AFG2A: variants seen among roughly 807,000 people sequenced by gnomAD.
AFG2A encodes AAA ATPase AFG2A.
chr4:123,059,112 C>A, the AFG2A span, among the ~76,000 whole-genome samples: 2 of 137,348 alleles, frequency 1.5e-5, no homozygotes, highest in African/African-American at 5.0e-5. Flanking sequence ...GCAGGGCAGT[C>A]AAATCTTTTT....
the AFG2A span, among the ~76,000 whole-genome samples, chr4:123,251,502 G>A: frequency 1.3e-5 from 2 of 152,072 alleles, no homozygotes; most frequent in Non-Finnish European, 2.9e-5. Flanking sequence ...GTAAGTTATT[G>A]TACGACCTTG....
chr4:123,305,666 C>A, the AFG2A span, among the ~76,000 whole-genome samples: 1 of 152,182 alleles, frequency 6.6e-6, no homozygotes, highest in Non-Finnish European at 1.5e-5. Context: ...GGTAAACAGT[C>A]TTTGCCTTGA....
chr4:123,124,171 A>G, the AFG2A span, among the ~76,000 whole-genome samples: 8 of 152,234 alleles, frequency 5.3e-5, no homozygotes, highest in African/African-American at 1.9e-4. Flanking sequence ...TCATGCTGCT[A>G]TAAAGACACA....
At chr4:123,260,887 C>T in the AFG2A span, among the ~76,000 whole-genome samples, 4 of 152,166 alleles carry the variant, frequency 2.6e-5, no homozygotes, top group Admixed American at 2.0e-4. Context: ...GGCCACGGAC[C>T]AGCACCAGTA....
chr4:123,174,824 A>AT, the AFG2A span, among the ~76,000 whole-genome samples: 2 of 151,154 alleles, frequency 1.3e-5, no homozygotes, highest in Non-Finnish European at 2.9e-5. Flanking sequence ...TTTTTTAAAA[A>AT]AAATATATAT....
chr4:123,118,248 C>T, the AFG2A span, among the ~76,000 whole-genome samples: 1 of 96,340 alleles, frequency 1.0e-5, no homozygotes, highest in South Asian at 2.8e-4. Context: ...AATTTTTTAA[C>T]ACAAACAAAA....
At chr4:123,162,602 CAAAT>C in the AFG2A span, among the ~76,000 whole-genome samples, 20 of 152,150 alleles carry the variant, frequency 1.3e-4, no homozygotes, top group African/African-American at 4.1e-4. Context: ...TTCATAGTCT[CAAAT>C]AAATACAAAA....
the AFG2A span, among the ~76,000 whole-genome samples, chr4:123,219,956 G>A: frequency 6.6e-6 from 1 of 151,694 alleles, no homozygotes; most frequent in African/African-American, 2.4e-5. Context: ...TGCAACCTCC[G>A]CCTTTCTGTT....
the AFG2A span, chr4:123,090,619 C>G: frequency 6.2e-7 from 1 of 1,614,130 alleles, no homozygotes; most frequent in Non-Finnish European, 8.5e-7. Flanking sequence ...TGTTTTGGCT[C>G]AGCTCTTAAC....
the AFG2A span, among the ~76,000 whole-genome samples, chr4:122,936,821 A>ATTT: frequency 6.6e-6 from 1 of 152,188 alleles, no homozygotes; most frequent in East Asian, 1.9e-4. Flanking sequence ...CTCTACTAAA[A>ATTT]ATACAAAAAT....
chr4:123,239,790 T>C, the AFG2A span, among the ~76,000 whole-genome samples: 7 of 152,096 alleles, frequency 4.6e-5, no homozygotes, highest in African/African-American at 1.7e-4. Context: ...AAAATACCCA[T>C]CTAACATCAT....
chr4:123,091,447 G>T, the AFG2A span, among the ~76,000 whole-genome samples: 1 of 152,106 alleles, frequency 6.6e-6, no homozygotes, highest in African/African-American at 2.4e-5. Context: ...CTAGAGAATT[G>T]AAGTTTTGAA....
the AFG2A span, among the ~76,000 whole-genome samples, chr4:123,247,137 C>T: frequency 6.6e-6 from 1 of 151,954 alleles, no homozygotes; most frequent in Non-Finnish European, 1.5e-5. Context: ...CAGTTTCTTT[C>T]CCCCGTAAAT....
At chr4:123,208,259 CCCTA>C in the AFG2A span, among the ~76,000 whole-genome samples, 1 of 151,942 alleles carries the variant, frequency 6.6e-6, no homozygotes, top group African/African-American at 2.4e-5. Context: ...GAAGTTGGAC[CCCTA>C]CCTTATACCA....
the AFG2A span, among the ~76,000 whole-genome samples, chr4:123,160,989 T>C: frequency 1.3e-5 from 2 of 152,202 alleles, no homozygotes; most frequent in Admixed American, 6.5e-5. Flanking sequence ...TGTACTATAC[T>C]CACCGATTTT....
At chr4:122,938,392 C>G in the AFG2A span, 3 of 1,006,332 alleles carry the variant, frequency 3.0e-6, no homozygotes, top group East Asian at 9.2e-5. Flanking sequence ...GGGGAAAGAT[C>G]TGTAAAATAA....
At chr4:123,022,690 T>C in the AFG2A span, among the ~76,000 whole-genome samples, 1 of 151,074 alleles carries the variant, frequency 6.6e-6, no homozygotes, top group African/African-American at 2.4e-5. Context: ...ACTGGGTATA[T>C]ACCCAAAGGA....
chr4:123,178,336 A>T, the AFG2A span, among the ~76,000 whole-genome samples: 1 of 151,972 alleles, frequency 6.6e-6, no homozygotes, highest in Non-Finnish European at 1.5e-5. Context: ...AAGGATAGTT[A>T]CTCTTTATAT....
the AFG2A span, among the ~76,000 whole-genome samples, chr4:123,225,655 G>A: frequency 7.9e-5 from 12 of 152,302 alleles, no homozygotes; most frequent in Admixed American, 1.3e-4. Context: ...GATGCCTCCA[G>A]CTTTGTTCTT....
Sources: gnomAD v4.1 joint callset for allele counts (sites outside exome capture counted in the v4.1 genomes callset) on GRCh38, gnomAD v4.1.1 for gene constraint, MANE v1.5 for transcripts, NCBI Gene and HGNC (gene_info 2026-07-23, HGNC 2026-07-21) for gene names.